IGF1R: variants seen among roughly 807,000 people sequenced by gnomAD.
IGF1R encodes the protein insulin-like growth factor 1 receptor.
A neutral mutation model predicts 144.6 loss-of-function variants in IGF1R; 44 were observed. The observed-to-expected ratio is 0.30, with a 90% CI of 0.24 to 0.39. The LOEUF (loss-of-function observed/expected upper bound fraction) is 0.39. IGF1R is among the 10% of genes least tolerant of loss of function. The pLI is 1.00. For missense variants in IGF1R, 1,355 were observed against 1,833.7 expected (o/e 0.74, Z 4.77); for synonymous variants, 795 against 722.8 (o/e 1.10, Z -1.60).
intron 2 of IGF1R, among the ~76,000 whole-genome samples, chr15:98,868,084 C>T (rs955762501): frequency 6.6e-6 from 1 of 151,942 alleles, no homozygotes; most frequent in African/African-American, 2.4e-5. Flanking sequence ...GCCTGTAATC[C>T]CAGCTACTCA....
At chr15:98,904,144 C>T (rs778416876) in intron 5 of IGF1R, among the ~76,000 whole-genome samples, 8 of 151,432 alleles carry the variant, frequency 5.3e-5, no homozygotes, top group Admixed American at 2.0e-4. Context: ...GCTCCGCCTC[C>T]GGGTTCACAC....
intron 13 of IGF1R, among the ~76,000 whole-genome samples, chr15:98,927,676 T>G (rs376696587): frequency 6.6e-6 from 1 of 152,202 alleles, no homozygotes; most frequent in East Asian, 1.9e-4. Context: ...AATTGCAAAA[T>G]GCTGGAGCCT....
chr15:98,740,238 T>C (rs1057474436), intron 2 of IGF1R, among the ~76,000 whole-genome samples: 1 of 152,256 alleles, frequency 6.6e-6, no homozygotes, highest in Non-Finnish European at 1.5e-5. Context: ...TGCTCTGATT[T>C]ACACACCTCT....
At chr15:98,722,240 C>A (rs1350165970) in intron 2 of IGF1R, among the ~76,000 whole-genome samples, 1 of 152,100 alleles carries the variant, frequency 6.6e-6, no homozygotes, top group Non-Finnish European at 1.5e-5. Context: ...AGACACTCTA[C>A]GACTTTTGCC....
At position 98,877,656 on chromosome 15, in the gene IGF1R, G is replaced by A. The variant is rs542590015; in HGVS notation, c.641-13669G>A. On this transcript the variant is annotated intron_variant, in intron 2 of 20. Coordinates refer to ENST00000650285, the MANE Select transcript of IGF1R (RefSeq NM_000875.5). ...GTGTGTATCCTCCTAAGGAGGTAGC[G>A]TTGGAGGAGCTGTTCTTGTTCAATT... Among the ~76,000 whole-genome samples the A allele has an allele frequency of 8.5e-5, 13 of 152,222 alleles. No individual in the cohort carries two copies. In the East Asian group the frequency reaches 1.7e-3, roughly 20 times the overall value.
rs142549071 is a variant in IGF1R, at chr15:98,922,167, G to A, written c.2221G>A (p.Asp741Asn). 5.6e-6 allele frequency: 9 copies of A among 1,614,108 alleles called. No homozygotes were observed. The highest frequency in any genetic ancestry group is 1.3e-5 in the African/African-American group (1 of 74,930). ...TTGCAGACCTGAAAGGAAGCGGAGA[G>A]ATGTCATGCAAGTGGCCAACACCAC... Reference protein sequence around the residue: ...FVPRPERKRRDVMQVANTTMS... With the variant: ...FVPRPERKRRNVMQVANTTMS... The change falls in exon 11 of 21, where the codon GAT (aspartate) becomes AAT (asparagine). Residue 741 changes from aspartate to asparagine, a missense_variant. Asp to Asn is a conservative substitution (Grantham distance 23, BLOSUM62 1). Coordinates refer to ENST00000650285, the MANE Select transcript of IGF1R (RefSeq NM_000875.5).
At chr15:98,940,605 A>G (rs1160507630) in intron 18 of IGF1R, among the ~76,000 whole-genome samples, 1 of 151,778 alleles carries the variant, frequency 6.6e-6, no homozygotes. Flanking sequence ...GGTTTTCATC[A>G]TGTTAGCCAG....
At chr15:98,682,942 C>T (rs1021180255) in intron 1 of IGF1R, among the ~76,000 whole-genome samples, 1 of 151,330 alleles carries the variant, frequency 6.6e-6, no homozygotes, top group African/African-American at 2.4e-5. Context: ...TTGGAGCAGG[C>T]TCCGGGGCAC....
intron 1 of IGF1R, among the ~76,000 whole-genome samples, chr15:98,701,960 G>T (rs150530348): frequency 6.6e-6 from 1 of 150,596 alleles, no homozygotes; most frequent in African/African-American, 2.4e-5. Flanking sequence ...GGAAGATGGG[G>T]TTTAGAGGTG....
chr15:98,928,810 A>G (rs910029169), intron 13 of IGF1R, among the ~76,000 whole-genome samples: 7 of 151,994 alleles, frequency 4.6e-5, no homozygotes, highest in Non-Finnish European at 1.0e-4. Flanking sequence ...TCTGCCATAC[A>G]AGTGCTGGTT....
In IGF1R at chr15:98,648,999, C is replaced by T. The variant is rs1331178823; in HGVS notation, c.-583C>T. 1.4e-5 allele frequency: 3 copies of T among 216,082 alleles called. No homozygotes were observed. Among genetic ancestry groups the T allele is most frequent in the African/African-American group, 4.7e-5 (2 of 42,476 alleles). 13.4% of individuals were successfully genotyped at this position (216,082 alleles called of 1,614,324 possible). A position where few individuals can be genotyped will look rare whatever the true frequency, so the allele number is the denominator to read the frequency against. On this transcript the variant is annotated 5_prime_UTR_variant, in exon 1 of 21. Coordinates refer to ENST00000650285, the MANE Select transcript of IGF1R (RefSeq NM_000875.5). ...AAGGAGCTCGCCGCGGCGGCGGCGGCGCTGAGGGAGGAGGCGGCGGCGAGC... is the reference window on the plus strand; with the variant it reads ...AAGGAGCTCGCCGCGGCGGCGGCGGTGCTGAGGGAGGAGGCGGCGGCGAGC...
intron 2 of IGF1R, among the ~76,000 whole-genome samples, chr15:98,752,216 G>A (rs1204248826): frequency 6.6e-6 from 1 of 152,156 alleles, no homozygotes; most frequent in Admixed American, 6.5e-5. Flanking sequence ...ACATTCGTGT[G>A]TGAACTGTTG....
chr15:98,777,580 T>A (rs897444567), intron 2 of IGF1R, among the ~76,000 whole-genome samples: 5 of 152,170 alleles, frequency 3.3e-5, no homozygotes, highest in Admixed American at 3.3e-4. Context: ...TCTCAGCACA[T>A]CTCAGTGATG....
intron 2 of IGF1R, among the ~76,000 whole-genome samples, chr15:98,798,014 C>T (rs972648355): frequency 6.6e-6 from 1 of 152,170 alleles, no homozygotes; most frequent in African/African-American, 2.4e-5. Flanking sequence ...TAGGCCCCAG[C>T]GAGGGAAAGA....
intron 1 of IGF1R, among the ~76,000 whole-genome samples, chr15:98,657,376 C>A (rs1053595871): frequency 6.6e-6 from 1 of 152,196 alleles, no homozygotes; most frequent in Non-Finnish European, 1.5e-5. Context: ...TTTTCTAAGT[C>A]ATTAGCTATT....
intron 1 of IGF1R, among the ~76,000 whole-genome samples, chr15:98,702,325 G>T (rs983894095): frequency 2.6e-5 from 4 of 152,048 alleles, no homozygotes; most frequent in Non-Finnish European, 4.4e-5. Context: ...TCAGCTGAAA[G>T]ACTTTATTTT....
At chr15:98,795,077 A>G (rs1567132736) in intron 2 of IGF1R, among the ~76,000 whole-genome samples, 1 of 152,214 alleles carries the variant, frequency 6.6e-6, no homozygotes. Flanking sequence ...CTGATGTTGT[A>G]AGCACTAAAT....
chr15:98,759,910 G>A (rs369415044), intron 2 of IGF1R, among the ~76,000 whole-genome samples: 69 of 152,296 alleles, frequency 4.5e-4, no homozygotes, highest in African/African-American at 1.5e-3. Flanking sequence ...TGCCTGTCCC[G>A]TGGTACCGTG....
intron 2 of IGF1R, among the ~76,000 whole-genome samples, chr15:98,826,416 T>A (rs2056895735): frequency 6.6e-6 from 1 of 152,220 alleles, no homozygotes; most frequent in South Asian, 2.1e-4. Context: ...GTCCTATAAT[T>A]GTTTTCCTGA....
Sources: gnomAD v4.1 joint callset for allele counts (sites outside exome capture counted in the v4.1 genomes callset) on GRCh38, gnomAD v4.1.1 for gene constraint, MANE v1.5 for transcripts, NCBI Gene and HGNC (gene_info 2026-07-23, HGNC 2026-07-21) for gene names.